The following EHD2 variants were observed in gnomAD, a reference collection of about 807,000 sequenced individuals.
EHD2 encodes the protein EH domain-containing protein 2.
Under a neutral mutation model 41.0 loss-of-function variants are expected in EHD2, and 27 were observed. The ratio of observed to expected loss-of-function variants is 0.66; its 90% confidence interval spans 0.49 to 0.91. The LOEUF (loss-of-function observed/expected upper bound fraction) is 0.91, where lower values mean the gene tolerates loss of function less well. EHD2 is among the 40% of genes least tolerant of loss of function. The probability of loss-of-function intolerance (pLI) is 0.00; values close to 1 mark genes in which losing one functional copy is unlikely to be tolerated. For synonymous variants in EHD2, 342 were observed against 341.0 expected (o/e 1.00, Z -0.03); for missense variants, 673 against 773.9 (o/e 0.87, Z 1.55).
Position 47,737,602 on chromosome 19 carries a change from A to G in EHD2, c.1080+1069A>G, listed in dbSNP as rs868750023. Among the ~76,000 whole-genome samples the G allele has an allele frequency of 5.3e-5, 8 of 152,136 alleles. No homozygotes were observed. The Middle Eastern group carries it at 0.024, about 453-fold the overall frequency. ...AACCCGGGAGGCAGAGGTTGCAGTG[A>G]GCTGAGATCACACCACTGCAATCCA... On this transcript the variant is annotated intron_variant, in intron 5 of 5. Coordinates refer to ENST00000263277, the MANE Select transcript of EHD2 (RefSeq NM_014601.4).
Position 47,716,100 on chromosome 19 carries a change from C to G in EHD2, c.-55-458C>G, listed in dbSNP as rs556921993. Among the ~76,000 whole-genome samples, 197 of 114,262 alleles carry G rather than the reference C, an allele frequency of 1.7e-3. 1 individual carries two copies. In the Admixed American group the frequency reaches 0.019, roughly 11 times the overall value. The allele number at this position is 114,262 out of a possible 152,430, so 75.0% of individuals were successfully genotyped here. A position where few individuals can be genotyped will look rare whatever the true frequency, so the allele number is the denominator to read the frequency against. On this transcript the variant is annotated intron_variant, in intron 1 of 5. Transcript: ENST00000263277. ...TTTTTTTTTTTTTTTGAGATGGGGTCTTACTCTGTAGCCCAGGCTGGAGTG... is the reference window on the plus strand; with the variant it reads ...TTTTTTTTTTTTTTTGAGATGGGGTGTTACTCTGTAGCCCAGGCTGGAGTG...
At position 47,726,622 on chromosome 19, in the gene EHD2, C is replaced by T. The variant is rs1305275911; in HGVS notation, c.915+398C>T. Among the ~76,000 whole-genome samples, 4 of 151,092 alleles carry T rather than the reference C, an allele frequency of 2.6e-5. No homozygotes were observed. The East Asian group carries it at 5.8e-4, about 22-fold the overall frequency. ...TTCCTTCCTTCCTTCCTCTGTTCCTCTCTCCCTTCCTCCCTCCTCCCTTCC... is the reference window on the plus strand; with the variant it reads ...TTCCTTCCTTCCTTCCTCTGTTCCTTTCTCCCTTCCTCCCTCCTCCCTTCC... On this transcript the variant is annotated intron_variant, in intron 4 of 5. Coordinates refer to ENST00000263277, the MANE Select transcript of EHD2 (RefSeq NM_014601.4).
intron 3 of EHD2, among the ~76,000 whole-genome samples, chr19:47,721,001 T>A (rs933669797): frequency 1.1e-4 from 17 of 152,134 alleles, no homozygotes; most frequent in African/African-American, 3.9e-4. Context: ...TACCTGTGTG[T>A]TCGTGCAGGT....
Position 47,741,141 on chromosome 19 carries a change from C to T in EHD2, c.1341C>T (p.Thr447=). ...GSDDEAEWVV[T]KDKSKYDEIF... is the part of the protein sequence containing the mutation. ...ACGACGAGGCCGAGTGGGTGGTGAC[C>T]AAGGACAAGTCCAAATACGACGAGA... Residue 447 remains threonine, a synonymous_variant, in exon 6 of 6, where the codon ACC becomes ACT. Coordinates refer to ENST00000263277, the MANE Select transcript of EHD2 (RefSeq NM_014601.4). This position sits in a 1 kb window ranked among gnomAD's most constrained non-coding sequence, Gnocchi z 4.5. 2.5e-6 allele frequency: 4 copies of T among 1,612,356 alleles called. No homozygotes were observed. Among genetic ancestry groups the T allele is most frequent in the Non-Finnish European group, 3.4e-6 (4 of 1,179,978 alleles).
At chr19:47,714,433 T>G (rs1376213127) in intron 1 of EHD2, among the ~76,000 whole-genome samples, 1 of 152,188 alleles carries the variant, frequency 6.6e-6, no homozygotes, top group East Asian at 1.9e-4. Context: ...TTGTTTTTCT[T>G]TTTTAAAAAA....
At chr19:47,737,190 CACTTT>C (rs1220840720) in intron 5 of EHD2, among the ~76,000 whole-genome samples, 25 of 140,750 alleles carry the variant, frequency 1.8e-4, no homozygotes, top group African/African-American at 6.4e-4. Context: ...AAGATAGCGC[CACTTT>C]ACTCCGGCCT....
intron 1 of EHD2, among the ~76,000 whole-genome samples, chr19:47,714,837 C>A (rs1200354594): frequency 2.0e-5 from 3 of 151,936 alleles, no homozygotes; most frequent in African/African-American, 7.3e-5. Flanking sequence ...GAGTTCGAGA[C>A]CACCCAGGGC....
chr19:47,719,548 G>A lies in EHD2; in HGVS notation c.502+942G>A, dbSNP rs1973672860. On this transcript the variant is annotated intron_variant, in intron 3 of 5. Coordinates refer to ENST00000263277, the MANE Select transcript of EHD2 (RefSeq NM_014601.4). This position sits in a 1 kb window ranked among gnomAD's most constrained non-coding sequence, Gnocchi z 4.1. ...CAGATCTGTGTCCCCCACCCCCCAT[G>A]GCCTTGGAGGCCCAGAACTGGGGCA... 6.6e-6 allele frequency among the ~76,000 whole-genome samples: 1 copy of A among 152,160 alleles called. No individual in the cohort carries two copies. The highest frequency in any genetic ancestry group is 6.6e-5 in the Admixed American group (1 of 15,266).
In EHD2 at chr19:47,727,453, G is replaced by C. The variant is rs544971893; in HGVS notation, c.915+1229G>C. Among the ~76,000 whole-genome samples the C allele has an allele frequency of 3.3e-5, 5 of 152,184 alleles. No homozygotes were observed. In the East Asian group the frequency reaches 9.6e-4, roughly 29 times the overall value. On this transcript the variant is annotated intron_variant, in intron 4 of 5. Transcript: ENST00000263277. ...ATGGTGCTGGGGCTGGGGATGGAGG[G>C]AACAGACAAGGTTCCAGCCCTCCTG...
At chr19:47,737,427 C>T (rs531003736) in intron 5 of EHD2, among the ~76,000 whole-genome samples, 159 of 151,848 alleles carry the variant, frequency 1.0e-3, no homozygotes, top group Non-Finnish European at 1.8e-3. Context: ...GAGGCCAAGG[C>T]GGGTGGATCA....
At chr19:47,729,378 G>C (rs1973785290) in intron 4 of EHD2, among the ~76,000 whole-genome samples, 1 of 152,104 alleles carries the variant, frequency 6.6e-6, no homozygotes, top group Non-Finnish European at 1.5e-5. Context: ...GAAAAAGTTC[G>C]GAGCAGGGAA....
chr19:47,731,289 T>TACATGTATATATATATATATATATACAC (rs1973810329), intron 4 of EHD2: 1 of 84,464 alleles, frequency 1.2e-5, no homozygotes, highest in African/African-American at 3.3e-5. Context: ...AATATATATA[T>TACATGTATATATATATATATATATACAC]ATATATATAT....
intron 4 of EHD2, among the ~76,000 whole-genome samples, chr19:47,735,598 CA>C (rs111442294): frequency 8.6e-5 from 12 of 139,634 alleles, no homozygotes; most frequent in Non-Finnish European, 7.9e-5. Flanking sequence ...ACCCTGTCTC[CA>C]AAAAAAAAAG....
chr19:47,718,796 C>CCT (rs1568588043), intron 3 of EHD2, among the ~76,000 whole-genome samples, 190 bp downstream of exon 3: 4 of 129,442 alleles, frequency 3.1e-5, no homozygotes, highest in Admixed American at 8.0e-5. Flanking sequence ...GGGCTGGGCC[C>CCT]AGACTCCTGG....
intron 4 of EHD2, among the ~76,000 whole-genome samples, chr19:47,731,681 A>G (rs1447808775): frequency 6.6e-6 from 1 of 152,012 alleles, no homozygotes; most frequent in African/African-American, 2.4e-5. Flanking sequence ...TTCATACTTT[A>G]TCAGACATGA....
intron 4 of EHD2, among the ~76,000 whole-genome samples, chr19:47,735,719 A>G (rs554872364): frequency 5.7e-4 from 86 of 151,894 alleles, no homozygotes; most frequent in African/African-American, 1.9e-3. Flanking sequence ...CCTGGCCAAC[A>G]TGGAGAAACC....
At chr19:47,736,262 C>A in intron 4 of EHD2, 107 bp from the exon 5 acceptor site, 1 of 1,048,288 alleles carries the variant, frequency 9.5e-7, no homozygotes, top group Non-Finnish European at 1.4e-6. Flanking sequence ...CATGCCCCAG[C>A]CCAGACCAAG....
At chr19:47,722,390 C>A (rs1568589160) in intron 3 of EHD2, among the ~76,000 whole-genome samples, 1 of 152,124 alleles carries the variant, frequency 6.6e-6, no homozygotes, top group Non-Finnish European at 1.5e-5. Flanking sequence ...GGCCCTTCCT[C>A]CCCCAAAACA....
In EHD2 at chr19:47,741,407, G is replaced by A. The variant is rs771636155; in HGVS notation, c.1607G>A (p.Arg536Gln). 5 of 1,590,532 alleles carry A rather than the reference G, an allele frequency of 3.1e-6. No individual in the cohort carries two copies. Among genetic ancestry groups the A allele is most frequent in the South Asian group, 2.2e-5 (2 of 89,820 alleles). ...CGTCGCCTGGTGCCACCCTCCAAGC[G>A]ACGCCACAAGGGCTCCGCCGAGTGA... ...LPRRLVPPSKRRHKGSAE is the reference protein window; with the variant it reads ...LPRRLVPPSKQRHKGSAE The change falls in exon 6 of 6, where the codon CGA (arginine) becomes CAA (glutamine). Residue 536 changes from arginine to glutamine, a missense_variant. Transcript: ENST00000263277. This position sits in a 1 kb window ranked among gnomAD's most constrained non-coding sequence, Gnocchi z 4.5.
Sources: allele counts gnomAD v4.1 joint callset (sites outside exome capture counted in the v4.1 genomes callset), GRCh38; gene constraint gnomAD v4.1.1; non-coding constraint Gnocchi (gnomAD v3.1); transcripts MANE v1.5; gene names NCBI Gene and HGNC (gene_info 2026-07-23, HGNC 2026-07-21).